LRP1B: variants seen among roughly 807,000 people sequenced by gnomAD.
The protein encoded by LRP1B is LDL receptor related protein 1B.
LRP1B carries 217 observed loss-of-function variants against 556.6 expected under a neutral mutation model. That is an observed-to-expected ratio of 0.39 (90% confidence interval 0.35 to 0.44). The LOEUF (loss-of-function observed/expected upper bound fraction) is 0.44, where lower values mean the gene tolerates loss of function less well. LRP1B is among the 20% of genes least tolerant of loss of function. The pLI, the probability that LRP1B is intolerant of heterozygous loss-of-function variation, is 1.00. For missense variants in LRP1B, 5,053 were observed against 5,620.8 expected (o/e 0.90, Z 3.23); for synonymous variants, 2,047 against 1,865.8 (o/e 1.10, Z -2.50).
rs141011978 is a variant in LRP1B, at chr2:141,342,913, C to T, written c.344-88272G>A. ...CCTTGAGAAGAGCAACCCCAAGACACGTAATCGTCAGATTCACCAAGGTTG... is the reference window on the plus strand; with the variant it reads ...CCTTGAGAAGAGCAACCCCAAGACATGTAATCGTCAGATTCACCAAGGTTG... On this transcript the variant is annotated intron_variant, in intron 3 of 90. Transcript: ENST00000389484. Among the ~76,000 whole-genome samples, 739 of 152,136 alleles carry T rather than the reference C, an allele frequency of 4.9e-3. 3 individuals are homozygous for T. The highest frequency in any genetic ancestry group is 5.4e-3 in the Non-Finnish European group (369 of 68,008).
chr2:140,829,657 C>T (rs543873982), intron 31 of LRP1B, among the ~76,000 whole-genome samples: 3 of 151,948 alleles, frequency 2.0e-5, no homozygotes, highest in East Asian at 1.9e-4. Context: ...GCAATGAACA[C>T]CTACATCAAA....
chr2:140,766,479 T>A (rs886486904), intron 35 of LRP1B, among the ~76,000 whole-genome samples: 2 of 152,012 alleles, frequency 1.3e-5, no homozygotes, highest in Admixed American at 6.6e-5. Flanking sequence ...AGTGGAAAGC[T>A]CCTGATAGCA....
chr2:141,873,485 A>G (rs1445283103), intron 1 of LRP1B, among the ~76,000 whole-genome samples: 1 of 151,962 alleles, frequency 6.6e-6, no homozygotes, highest in African/African-American at 2.4e-5. Context: ...TAGAAATGAG[A>G]TGGGGAAAGT....
At chr2:140,467,020 A>C (rs1356167836) in intron 60 of LRP1B, among the ~76,000 whole-genome samples, 1 of 152,204 alleles carries the variant, frequency 6.6e-6, no homozygotes, top group Admixed American at 6.5e-5. Flanking sequence ...TTTTCATTAA[A>C]TGGAAAATGA....
At chr2:141,681,853 G>C (rs955276253) in intron 2 of LRP1B, among the ~76,000 whole-genome samples, 3 of 152,122 alleles carry the variant, frequency 2.0e-5, no homozygotes, top group African/African-American at 7.2e-5. Flanking sequence ...CTACTCTTCA[G>C]TTCAATAGAA....
intron 2 of LRP1B, among the ~76,000 whole-genome samples, chr2:141,652,876 C>T (rs1485196675): frequency 6.6e-6 from 1 of 152,112 alleles, no homozygotes; most frequent in African/African-American, 2.4e-5. Flanking sequence ...ATATATAAGG[C>T]TTACTTGACA....
At chr2:141,085,301 A>G (rs1168497815) in intron 7 of LRP1B, among the ~76,000 whole-genome samples, 1 of 152,250 alleles carries the variant, frequency 6.6e-6, no homozygotes, top group African/African-American at 2.4e-5. Context: ...AACCTCTTAT[A>G]GACTGAACTT....
chr2:140,536,686 A>G lies in LRP1B; in HGVS notation c.7537T>C (p.Tyr2513His), dbSNP rs2105003995. The change falls in exon 46 of 91, where the codon TAT becomes CAT. Residue 2513 changes from tyrosine to histidine, a missense_variant. Coordinates refer to ENST00000389484, the MANE Select transcript of LRP1B (RefSeq NM_018557.3). ...CVTKNSSCNAYSEFECGNGEC... is the reference protein window; with the variant it reads ...CVTKNSSCNAHSEFECGNGEC... ...CCATTTCCACATTCAAACTCCGAATAAGCGTTGCAGGAGGAATTTTTAGCT... is the reference window on the plus strand; with the variant it reads ...CCATTTCCACATTCAAACTCCGAATGAGCGTTGCAGGAGGAATTTTTAGCT... 6.2e-7 allele frequency: 1 copy of G among 1,607,178 alleles called. No individual in the cohort carries two copies. Among genetic ancestry groups the G allele is most frequent in the East Asian group, 2.2e-5 (1 of 44,614 alleles).
At chr2:140,603,457 G>A (rs1030820899) in intron 41 of LRP1B, among the ~76,000 whole-genome samples, 4 of 152,104 alleles carry the variant, frequency 2.6e-5, no homozygotes, top group East Asian at 1.9e-4. Flanking sequence ...AGCATTACAC[G>A]CCTTTCATCG....
chr2:140,585,929 C>A (rs1402571564), intron 43 of LRP1B, among the ~76,000 whole-genome samples: 1 of 152,042 alleles, frequency 6.6e-6, no homozygotes, highest in Admixed American at 6.6e-5. Flanking sequence ...TTTAATAAGT[C>A]TTATTCCTGT....
At chr2:141,691,465 A>AACACACACACACACACACACACAC (rs10522926) in intron 2 of LRP1B, among the ~76,000 whole-genome samples, 1,454 of 133,188 alleles carry the variant, frequency 0.011, 31 homozygotes, top group African/African-American at 0.024. Context: ...GTAATCAGCC[A>AACACACACACACACACACACACAC]ACACACACAC....
chr2:141,349,848 A>T (rs1307328925), intron 3 of LRP1B, among the ~76,000 whole-genome samples: 1 of 152,106 alleles, frequency 6.6e-6, no homozygotes, highest in Non-Finnish European at 1.5e-5. Context: ...AGAGTATAAT[A>T]GTCAAGATAC....
chr2:140,491,100 A>C (rs1408100494), intron 57 of LRP1B, among the ~76,000 whole-genome samples: 1 of 152,120 alleles, frequency 6.6e-6, no homozygotes, highest in Admixed American at 6.6e-5. Flanking sequence ...ATTAAGAACA[A>C]TTTTTGACAA....
chr2:141,645,264 A>G (rs1003814957), intron 2 of LRP1B, among the ~76,000 whole-genome samples: 1 of 152,138 alleles, frequency 6.6e-6, no homozygotes, highest in Non-Finnish European at 1.5e-5. Flanking sequence ...TGGAGAAAGT[A>G]GATAGCTATG....
In LRP1B at chr2:141,218,470, A is replaced by G. The variant is rs533852912; in HGVS notation, c.850+10713T>C. On this transcript the variant is annotated intron_variant, in intron 6 of 90. Coordinates refer to ENST00000389484, the MANE Select transcript of LRP1B (RefSeq NM_018557.3). The stretch of plus-strand genomic sequence containing the variant: ...TATGTAGCCATAAAAGGATGAAATC[A>G]TGTCCTTTGCAGCGACATGTATGCA... Among the ~76,000 whole-genome samples the G allele has an allele frequency of 6.6e-5, 10 of 152,314 alleles. No individual in the cohort carries two copies. The South Asian group carries it at 2.1e-3, about 32-fold the overall frequency.
intron 1 of LRP1B, among the ~76,000 whole-genome samples, chr2:142,114,303 A>G (rs182924369): frequency 1.4e-3 from 217 of 152,288 alleles, no homozygotes; most frequent in African/African-American, 4.2e-3. Context: ...CTTAAGGAGC[A>G]TCATAAGAAG....
intron 69 of LRP1B, among the ~76,000 whole-genome samples, chr2:140,372,356 G>T (rs1683033793): frequency 6.6e-6 from 1 of 151,976 alleles, no homozygotes; most frequent in East Asian, 1.9e-4. Flanking sequence ...TTGTACTTGT[G>T]ATTCTGACCT....
At chr2:140,849,287 G>A in intron 29 of LRP1B, among the ~76,000 whole-genome samples, 1 of 149,408 alleles carries the variant, frequency 6.7e-6, no homozygotes, top group Non-Finnish European at 1.5e-5. Context: ...GCAGAGAATT[G>A]CTTGAACCTG....
chr2:140,568,890 G>A (rs1422194523), intron 43 of LRP1B, among the ~76,000 whole-genome samples: 1 of 151,906 alleles, frequency 6.6e-6, no homozygotes, highest in East Asian at 1.9e-4. Context: ...GCCAAGAAAA[G>A]CTAACCTTTA....
Sources: gnomAD v4.1 joint callset for allele counts (sites outside exome capture counted in the v4.1 genomes callset) on GRCh38, gnomAD v4.1.1 for gene constraint, MANE v1.5 for transcripts, NCBI Gene and HGNC (gene_info 2026-07-23, HGNC 2026-07-21) for gene names.